SCN11A: variants seen among roughly 807,000 people sequenced by gnomAD.
The protein encoded by SCN11A is sodium voltage-gated channel alpha subunit 11.
SCN11A carries 122 observed loss-of-function variants against 162.2 expected under a neutral mutation model. The ratio of observed to expected loss-of-function variants is 0.75; its 90% CI spans 0.65 to 0.87. The LOEUF is 0.87. SCN11A is among the 40% of genes least tolerant of loss of function. SCN11A has a pLI of 0.00. For missense variants in SCN11A, 2,015 were observed against 2,181.6 expected (o/e 0.92, Z 1.52); for synonymous variants, 758 against 751.5 (o/e 1.01, Z -0.14).
At chr3:38,872,950 T>C (rs2065153043) in intron 23 of SCN11A, among the ~76,000 whole-genome samples, 1 of 152,174 alleles carries the variant, frequency 6.6e-6, no homozygotes. Context: ...AAAAGTTACA[T>C]GGAAAAAATA....
chr3:39,051,662 T>C (rs1172169650), intron 1 of SCN11A, among the ~76,000 whole-genome samples, 199 bp downstream of exon 1: 1 of 152,132 alleles, frequency 6.6e-6, no homozygotes, highest in East Asian at 1.9e-4. Flanking sequence ...CAGGAGATGG[T>C]CCAGCGCCAT....
chr3:38,991,382 A>T (rs572727956), intron 2 of SCN11A, among the ~76,000 whole-genome samples: 34 of 152,184 alleles, frequency 2.2e-4, no homozygotes, highest in Non-Finnish European at 5.0e-4. Context: ...CAGCTCACAG[A>T]ATCCATCCTT....
chr3:38,978,806 C>T (rs1374101313), intron 2 of SCN11A, among the ~76,000 whole-genome samples: 2 of 152,192 alleles, frequency 1.3e-5, no homozygotes, highest in East Asian at 1.9e-4. Flanking sequence ...CCCCTCCAGC[C>T]TCGGCCCCTC....
intron 7 of SCN11A, among the ~76,000 whole-genome samples, chr3:38,938,018 G>A (rs1298236994): frequency 6.6e-6 from 1 of 152,072 alleles, no homozygotes; most frequent in African/African-American, 2.4e-5. Context: ...AAGAAAATGT[G>A]GCACATATAC....
chr3:38,898,145 G>A (rs111344764), intron 17 of SCN11A, among the ~76,000 whole-genome samples: 20,843 of 152,178 alleles, frequency 0.14, 1,657 homozygotes, highest in East Asian at 0.24. Context: ...GGCTGACGAG[G>A]GAGGATGGCT....
chr3:38,958,920 T>C (rs1220925595), intron 3 of SCN11A, among the ~76,000 whole-genome samples: 1 of 152,220 alleles, frequency 6.6e-6, no homozygotes, highest in Non-Finnish European at 1.5e-5. Context: ...AGGTGGATTA[T>C]TTATGGCCTT....
intron 2 of SCN11A, among the ~76,000 whole-genome samples, chr3:38,993,307 G>A (rs1223616538): frequency 9.2e-5 from 14 of 151,962 alleles, no homozygotes; most frequent in Non-Finnish European, 8.8e-5. Context: ...AAGGCTACCG[G>A]GATCAGAAAA....
At chr3:38,994,362 T>G (rs1399579891) in intron 2 of SCN11A, among the ~76,000 whole-genome samples, 2 of 152,190 alleles carry the variant, frequency 1.3e-5, no homozygotes, top group African/African-American at 2.4e-5. Context: ...TAAGGTGAAA[T>G]GCTGGACTAG....
At chr3:39,025,047 G>A (rs186431847) in intron 2 of SCN11A, among the ~76,000 whole-genome samples, 2 of 152,280 alleles carry the variant, frequency 1.3e-5, no homozygotes, top group East Asian at 1.9e-4. Context: ...GCCTCTGCAC[G>A]AGCTCTTAGA....
chr3:39,029,601 G>C (rs1386275997), intron 2 of SCN11A, among the ~76,000 whole-genome samples: 1 of 152,226 alleles, frequency 6.6e-6, no homozygotes, highest in Non-Finnish European at 1.5e-5. Flanking sequence ...TTAGAATGTA[G>C]CTACATTTGG....
intron 7 of SCN11A, among the ~76,000 whole-genome samples, chr3:38,941,040 GA>G (rs1404798928): frequency 6.6e-6 from 1 of 152,176 alleles, no homozygotes; most frequent in African/African-American, 2.4e-5. Flanking sequence ...CAATGCATAA[GA>G]ATTATGAAAA....
At chr3:38,853,697 C>A (rs1222414883) in intron 28 of SCN11A, among the ~76,000 whole-genome samples, 2 of 152,138 alleles carry the variant, frequency 1.3e-5, no homozygotes, top group South Asian at 4.2e-4. Context: ...CATTTGCGAT[C>A]TCATGTTCAA....
chr3:38,940,498 G>A (rs1003401288), intron 7 of SCN11A, among the ~76,000 whole-genome samples: 4 of 152,168 alleles, frequency 2.6e-5, no homozygotes, highest in Admixed American at 2.6e-4. Context: ...ACCAATGGAA[G>A]AGAAAAGAAA....
At chr3:39,013,829 T>C (rs1003441938) in intron 2 of SCN11A, among the ~76,000 whole-genome samples, 3 of 152,262 alleles carry the variant, frequency 2.0e-5, no homozygotes, top group African/African-American at 7.2e-5. Context: ...GGTCTGGCTG[T>C]ATCTTCTCAT....
chr3:39,050,863 G>C (rs2032335259), intron 1 of SCN11A, among the ~76,000 whole-genome samples: 1 of 152,124 alleles, frequency 6.6e-6, no homozygotes, highest in Non-Finnish European at 1.5e-5. Flanking sequence ...ACTGGAACTA[G>C]CTATATTTCA....
intron 4 of SCN11A, among the ~76,000 whole-genome samples, chr3:38,951,569 C>T (rs899274388): frequency 1.3e-5 from 2 of 152,262 alleles, no homozygotes; most frequent in African/African-American, 2.4e-5. Flanking sequence ...GCAGCTCCAC[C>T]TGCGGCCCCG....
chr3:38,902,375 C>T (rs2065715521), intron 16 of SCN11A, among the ~76,000 whole-genome samples: 1 of 152,186 alleles, frequency 6.6e-6, no homozygotes, highest in Admixed American at 6.5e-5. Context: ...CCAAAGGCAG[C>T]ATGGAGAAAG....
chr3:39,018,184 A>C (rs1309134593), intron 2 of SCN11A, among the ~76,000 whole-genome samples: 1 of 152,134 alleles, frequency 6.6e-6, no homozygotes, highest in African/African-American at 2.4e-5. Flanking sequence ...TGTTACTTCT[A>C]ATCTTTTTAG....
In SCN11A at chr3:38,846,705, G is replaced by T; in HGVS notation, c.5365C>A (p.His1789Asn). Residue 1789 changes from histidine to asparagine, a missense_variant, in exon 30 of 30, where the codon CAC becomes AAC. Coordinates refer to ENST00000302328, the MANE Select transcript of SCN11A (RefSeq NM_001349253.2). ...GTGGAGGTGAGGGCTCAGTCACAGTGGACCTTGCCCTTGGCCACCCCAAAG... is the reference window on the plus strand; with the variant it reads ...GTGGAGGTGAGGGCTCAGTCACAGTTGACCTTGCCCTTGGCCACCCCAAAG... ...SSFGVAKGKV[H>N]CD is the part of the protein sequence containing the mutation. The T allele has an allele frequency of 6.2e-7, 1 of 1,613,744 alleles. No individual in the cohort carries two copies. Among genetic ancestry groups the T allele is most frequent in the Non-Finnish European group, 8.5e-7 (1 of 1,179,746 alleles).
Sources: allele counts gnomAD v4.1 joint callset (sites outside exome capture counted in the v4.1 genomes callset), GRCh38; gene constraint gnomAD v4.1.1; transcripts MANE v1.5; gene names NCBI Gene and HGNC (gene_info 2026-07-23, HGNC 2026-07-21).